Variants in POLN observed in about 807,000 individuals in gnomAD.
POLN encodes the protein DNA polymerase N.
In POLN, 108 loss-of-function variants were observed where a neutral mutation model predicts 113.5. That is an observed-to-expected ratio of 0.95 (90% CI 0.81 to 1.12). POLN has a LOEUF of 1.12. Ranked by LOEUF, POLN falls within the 50% of genes most tolerant of loss-of-function variation. The probability of loss-of-function intolerance (pLI) is 0.00; values close to 1 mark genes in which losing one functional copy is unlikely to be tolerated. For synonymous variants in POLN, 386 were observed against 391.5 expected (o/e 0.99, Z 0.17); for missense variants, 1,097 against 1,077.1 (o/e 1.02, Z -0.26).
chr4:2,089,720 A>G, intron 20 of POLN: 2 of 673,722 alleles, frequency 3.0e-6, no homozygotes, highest in Non-Finnish European at 2.5e-6. Flanking sequence ...TGAATATATG[A>G]AGAATTATTC....
intron 7 of POLN, among the ~76,000 whole-genome samples, chr4:2,190,144 T>C (rs917824783): frequency 3.3e-5 from 5 of 151,320 alleles, no homozygotes; most frequent in Non-Finnish European, 7.4e-5. Context: ...TCACCCACAC[T>C]ACCTGACTTC....
chr4:2,173,517 C>A (rs1264851567), intron 11 of POLN, among the ~76,000 whole-genome samples: 8 of 151,842 alleles, frequency 5.3e-5, no homozygotes, highest in African/African-American at 1.9e-4. Flanking sequence ...CCCCGCCCCG[C>A]CACTGCTCAC....
At chr4:2,221,612 T>C (rs972346256) in intron 3 of POLN, among the ~76,000 whole-genome samples, 2 of 152,222 alleles carry the variant, frequency 1.3e-5, no homozygotes, top group Non-Finnish European at 2.9e-5. Flanking sequence ...AGTCTCATCC[T>C]ATCCTTCAGG....
At chr4:2,080,846 C>A (rs560251384) in intron 23 of POLN, 112 bp downstream of exon 23, 3 of 1,582,622 alleles carry the variant, frequency 1.9e-6, no homozygotes, top group South Asian at 2.3e-5. Flanking sequence ...CAGGAGGGGA[C>A]GGGGGCCCGA....
At chr4:2,184,265 A>C (rs1733218886) in intron 7 of POLN, among the ~76,000 whole-genome samples, 1 of 151,790 alleles carries the variant, frequency 6.6e-6, no homozygotes, top group African/African-American at 2.4e-5. Context: ...AAAAAAAGGA[A>C]AACAAAACAA....
intron 2 of POLN, chr4:2,241,196 G>A (rs1734974073): frequency 5.2e-6 from 2 of 387,742 alleles, no homozygotes; most frequent in Admixed American, 4.5e-5. Context: ...CGGGATAAAT[G>A]ACAGGTAGTC....
chr4:2,168,200 G>C (rs1280081584), intron 13 of POLN, among the ~76,000 whole-genome samples: 2 of 152,198 alleles, frequency 1.3e-5, no homozygotes, highest in Non-Finnish European at 2.9e-5. Context: ...GAGCTGAGCA[G>C]CAGCAAATGT....
At chr4:2,187,052 G>A (rs780161090) in intron 7 of POLN, among the ~76,000 whole-genome samples, 1 of 151,934 alleles carries the variant, frequency 6.6e-6, no homozygotes, top group Non-Finnish European at 1.5e-5. Context: ...ATAGACTACT[G>A]GAAAAGACAC....
At chr4:2,099,117 A>C (rs1730865452) in intron 19 of POLN, among the ~76,000 whole-genome samples, 3 of 152,238 alleles carry the variant, frequency 2.0e-5, no homozygotes, top group Admixed American at 2.0e-4. Context: ...TAAATAAATA[A>C]ATGGGGGAGA....
chr4:2,183,517 A>G lies in POLN; in HGVS notation c.1022-4052T>C, dbSNP rs147499087. ...CTTTAAAACACTAGGTTAAAAACCA[A>G]CAACAACAAAAAGCTACATCAGGCT... On this transcript the variant is annotated intron_variant, in intron 7 of 25. Transcript: ENST00000511885. Among the ~76,000 whole-genome samples, 283 of 152,360 alleles carry G rather than the reference A, an allele frequency of 1.9e-3. 1 individual carries two copies. The highest frequency in any genetic ancestry group is 6.6e-3 in the African/African-American group (274 of 41,590).
intron 19 of POLN, among the ~76,000 whole-genome samples, chr4:2,110,502 TAAAG>T (rs1008322963): frequency 6.6e-6 from 1 of 151,458 alleles, no homozygotes; most frequent in African/African-American, 2.4e-5. Flanking sequence ...GCAAGACTAA[TAAAG>T]AAGAAAAGAG....
chr4:2,183,569 T>C (rs1193080923), intron 7 of POLN, among the ~76,000 whole-genome samples: 1 of 152,054 alleles, frequency 6.6e-6, no homozygotes, highest in East Asian at 1.9e-4. Context: ...TGACAAAAGG[T>C]TGCATATTGT....
intron 20 of POLN, chr4:2,089,449 A>T: frequency 7.1e-7 from 1 of 1,411,154 alleles, no homozygotes; most frequent in Non-Finnish European, 9.6e-7. Context: ...GCACTGGCTT[A>T]TATTGTTTTC....
chr4:2,122,694 A>G (rs1731473911), intron 19 of POLN, among the ~76,000 whole-genome samples: 1 of 152,204 alleles, frequency 6.6e-6, no homozygotes, highest in South Asian at 2.1e-4. Flanking sequence ...AAAGTTAAAT[A>G]TGGGTACCAC....
chr4:2,168,360 G>T (rs1372141918), intron 13 of POLN, among the ~76,000 whole-genome samples: 1 of 152,230 alleles, frequency 6.6e-6, no homozygotes, highest in African/African-American at 2.4e-5. Flanking sequence ...AGGATGGAGA[G>T]AAGTCATGAG....
intron 20 of POLN, chr4:2,089,594 C>A (rs1005455294): frequency 2.0e-6 from 2 of 1,003,638 alleles, no homozygotes; most frequent in Admixed American, 2.9e-5. Flanking sequence ...TCTTTACTAG[C>A]ATTTAAATTA....
chr4:2,072,427 C>T, intron 25 of POLN, 128 bp from the exon 26 acceptor site: 1 of 783,276 alleles, frequency 1.3e-6, no homozygotes, highest in African/African-American at 1.7e-5. Context: ...GATCAGACAG[C>T]CACACGCACA....
chr4:2,201,786 AAG>A (rs1733722985), intron 5 of POLN, among the ~76,000 whole-genome samples: 1 of 152,216 alleles, frequency 6.6e-6, no homozygotes, highest in Non-Finnish European at 1.5e-5. Flanking sequence ...AAAGAATCTT[AAG>A]AGCTATGAGG....
intron 19 of POLN, among the ~76,000 whole-genome samples, chr4:2,104,024 A>G (rs1730989346): frequency 6.6e-6 from 1 of 152,252 alleles, no homozygotes; most frequent in Non-Finnish European, 1.5e-5. Context: ...GAAACATACA[A>G]AAGTATAAAA....
Sources: allele counts gnomAD v4.1 joint callset (sites outside exome capture counted in the v4.1 genomes callset), GRCh38; gene constraint gnomAD v4.1.1; transcripts MANE v1.5; gene names NCBI Gene and HGNC (gene_info 2026-07-23, HGNC 2026-07-21).